Variants in TAFA5 observed in about 807,000 individuals in gnomAD.
TAFA5 encodes TAFA chemokine like family member 5.
A neutral mutation model predicts 15.3 loss-of-function variants in TAFA5; 6 were observed. That is an observed-to-expected ratio of 0.39 (90% CI 0.21 to 0.77). TAFA5 has a LOEUF of 0.77. Among genes scored for constraint, TAFA5 ranks in the 30% least tolerant of loss-of-function variants. TAFA5 has a pLI of 0.41. For synonymous variants in TAFA5, 103 were observed against 80.7 expected (o/e 1.28, Z -1.48); for missense variants, 161 against 193.1 (o/e 0.83, Z 0.98).
chr22:48,687,491 T>G (rs543199046), intron 2 of TAFA5, among the ~76,000 whole-genome samples: 2 of 152,046 alleles, frequency 1.3e-5, no homozygotes, highest in African/African-American at 4.8e-5. Context: ...TGGCTAAATA[T>G]TTCCTGAACC....
intron 1 of TAFA5, among the ~76,000 whole-genome samples, chr22:48,547,971 C>T (rs1176611231): frequency 1.3e-5 from 2 of 152,214 alleles, no homozygotes; most frequent in African/African-American, 4.8e-5. Context: ...AGCCCTGGCC[C>T]TGTCCTCCAG....
intron 1 of TAFA5, among the ~76,000 whole-genome samples, chr22:48,639,146 C>T (rs535131712): frequency 1.5e-3 from 229 of 152,352 alleles, no homozygotes; most frequent in Non-Finnish European, 2.7e-3. Context: ...CACTTGGACA[C>T]AGGCTGGTGT....
intron 1 of TAFA5, among the ~76,000 whole-genome samples, chr22:48,551,304 C>T (rs551469924): frequency 8.2e-4 from 125 of 152,226 alleles, no homozygotes; most frequent in African/African-American, 2.8e-3. Context: ...AAACACCAGC[C>T]GAGGGCTGGG....
chr22:48,556,762 A>C (rs1004475554), intron 1 of TAFA5, among the ~76,000 whole-genome samples: 4 of 151,766 alleles, frequency 2.6e-5, no homozygotes, highest in Non-Finnish European at 5.9e-5. Flanking sequence ...TCTCAGGGAC[A>C]CCCCCCTAGG....
intron 2 of TAFA5, among the ~76,000 whole-genome samples, chr22:48,672,816 T>G (rs1236523595): frequency 1.3e-5 from 2 of 152,234 alleles, no homozygotes; most frequent in Non-Finnish European, 2.9e-5. Flanking sequence ...TTTCCTCCAT[T>G]GTCTTTATTT....
At chr22:48,581,616 G>A (rs935392481) in intron 1 of TAFA5, among the ~76,000 whole-genome samples, 11 of 152,186 alleles carry the variant, frequency 7.2e-5, no homozygotes, top group African/African-American at 2.2e-4. Flanking sequence ...AGAGCCCCTG[G>A]GCCTGGAGAA....
chr22:48,636,502 CATT>C (rs1158126864), intron 1 of TAFA5, among the ~76,000 whole-genome samples: 2 of 74,138 alleles, frequency 2.7e-5, no homozygotes, highest in Non-Finnish European at 5.2e-5. Flanking sequence ...TAAGACTAAA[CATT>C]AGGCACTTAA....
At position 48,715,758 on chromosome 22, in the gene TAFA5, C is replaced by A. The variant is rs112582988; in HGVS notation, c.390+7914C>A. Among the ~76,000 whole-genome samples, 556 of 152,340 alleles carry A rather than the reference C, an allele frequency of 3.6e-3. 2 individuals carry two copies. The highest frequency in any genetic ancestry group is 0.012 in the African/African-American group (514 of 41,590). ...AAGAGACAGAGGTGAGCCTGGCCAG[C>A]AAGCCTGCCCCAGCCACAGATGTCA... is the stretch of plus-strand genomic sequence containing the variant. On this transcript the variant is annotated intron_variant, in intron 3 of 3. Coordinates refer to ENST00000402357, the MANE Select transcript of TAFA5 (RefSeq NM_001082967.3).
chr22:48,725,386 C>T (rs1929686511), intron 3 of TAFA5, among the ~76,000 whole-genome samples: 1 of 152,102 alleles, frequency 6.6e-6, no homozygotes, highest in African/African-American at 2.4e-5. Flanking sequence ...CTATGGAAAG[C>T]AATCCTGTCC....
intron 2 of TAFA5, among the ~76,000 whole-genome samples, chr22:48,692,028 T>C (rs1928559065): frequency 6.6e-6 from 1 of 152,048 alleles, no homozygotes; most frequent in South Asian, 2.1e-4. Flanking sequence ...GGGTGCCTCC[T>C]TCCTGTCCCC....
chr22:48,625,457 A>G (rs1317368206), intron 1 of TAFA5, among the ~76,000 whole-genome samples: 1 of 152,248 alleles, frequency 6.6e-6, no homozygotes, highest in African/African-American at 2.4e-5. Flanking sequence ...GTTCAGTTCA[A>G]GTATCCGCGT....
intron 1 of TAFA5, among the ~76,000 whole-genome samples, chr22:48,512,943 A>T (rs9615914): frequency 2.6e-5 from 3 of 116,134 alleles, no homozygotes; most frequent in African/African-American, 1.1e-4. Context: ...AAAAAAAAAA[A>T]AGAGAGAGAG....
chr22:48,602,016 G>T (rs563371531), intron 1 of TAFA5, among the ~76,000 whole-genome samples: 1 of 152,154 alleles, frequency 6.6e-6, no homozygotes, highest in South Asian at 2.1e-4. Context: ...GAGTGGGCAC[G>T]CTGGTGGGTT....
intron 1 of TAFA5, among the ~76,000 whole-genome samples, chr22:48,562,134 CTTTTTTCT>C (rs917066707): frequency 1.3e-5 from 2 of 152,112 alleles, no homozygotes; most frequent in South Asian, 2.1e-4. Flanking sequence ...CAGAGCCTTT[CTTTTTTCT>C]TTTTTTCTTT....
intron 1 of TAFA5, among the ~76,000 whole-genome samples, chr22:48,611,177 C>T (rs28700240): frequency 0.012 from 1,891 of 152,272 alleles, 40 homozygotes; most frequent in African/African-American, 0.038. Flanking sequence ...TCAAGCGATC[C>T]GCCCGCCTTG....
chr22:48,648,129 G>C (rs763658148), intron 2 of TAFA5, among the ~76,000 whole-genome samples: 1 of 152,194 alleles, frequency 6.6e-6, no homozygotes, highest in Non-Finnish European at 1.5e-5. Context: ...ACTGAAACAT[G>C]GTTGCGAGCA....
At chr22:48,728,544 G>A (rs900655051) in intron 3 of TAFA5, among the ~76,000 whole-genome samples, 6 of 152,190 alleles carry the variant, frequency 3.9e-5, no homozygotes, top group South Asian at 2.1e-4. Flanking sequence ...TTTGAGCAGG[G>A]CTAGCACTAC....
At chr22:48,687,479 G>A (rs976654130) in intron 2 of TAFA5, among the ~76,000 whole-genome samples, 2 of 151,754 alleles carry the variant, frequency 1.3e-5, no homozygotes, top group African/African-American at 4.8e-5. Flanking sequence ...GTGGATGGGG[G>A]ATGGCTAAAT....
chr22:48,594,975 AT>A (rs1924711798), intron 1 of TAFA5, among the ~76,000 whole-genome samples: 3 of 151,736 alleles, frequency 2.0e-5, no homozygotes, highest in Admixed American at 1.3e-4. Flanking sequence ...CCCTGAGGGA[AT>A]TTGCAGATCA....
Sources: gnomAD v4.1 joint callset for allele counts (sites outside exome capture counted in the v4.1 genomes callset) on GRCh38, gnomAD v4.1.1 for gene constraint, MANE v1.5 for transcripts, NCBI Gene and HGNC (gene_info 2026-07-23, HGNC 2026-07-21) for gene names.